The following PTPRN2 variants were observed in gnomAD, a reference collection of about 807,000 sequenced individuals.
The protein encoded by PTPRN2 is protein tyrosine phosphatase receptor type N2, also known as receptor-type tyrosine-protein phosphatase N2.
A neutral mutation model predicts 118.8 loss-of-function variants in PTPRN2; 74 were observed. That is an observed-to-expected ratio of 0.62 (90% CI 0.52 to 0.76). PTPRN2 has a LOEUF of 0.76. Among genes scored for constraint, PTPRN2 ranks in the 30% least tolerant of loss-of-function variants. The probability of loss-of-function intolerance (pLI) is 0.00; values close to 1 mark genes in which losing one functional copy is unlikely to be tolerated. For synonymous variants in PTPRN2, 641 were observed against 608.0 expected (o/e 1.05, Z -0.80); for missense variants, 1,481 against 1,394.4 (o/e 1.06, Z -0.99).
intron 13 of PTPRN2, among the ~76,000 whole-genome samples, chr7:157,656,913 C>T (rs1585185294): frequency 1.4e-5 from 2 of 143,234 alleles, no homozygotes; most frequent in African/African-American, 2.6e-5. Flanking sequence ...CACACATATA[C>T]ACACACACAC....
At chr7:158,010,919 C>A (rs765535179) in intron 11 of PTPRN2, among the ~76,000 whole-genome samples, 1 of 152,206 alleles carries the variant, frequency 6.6e-6, no homozygotes, top group Non-Finnish European at 1.5e-5. Context: ...CCCAGGTGGG[C>A]AGGGGAGGAA....
In PTPRN2 at chr7:157,599,650, C is replaced by T. The variant is rs1214965194; in HGVS notation, c.2419-4335G>A. 2.0e-5 allele frequency among the ~76,000 whole-genome samples: 3 copies of T among 152,224 alleles called. No homozygotes were observed. The East Asian group carries it at 5.8e-4, about 29-fold the overall frequency. Reference sequence around the variant, plus strand: ...TCAACAGCCTCCATGGTGGCAGAGGCACCCACTGCGGGGCAGGTGAAGGGA... The same window carrying T: ...TCAACAGCCTCCATGGTGGCAGAGGTACCCACTGCGGGGCAGGTGAAGGGA... On this transcript the variant is annotated intron_variant, in intron 16 of 22. Transcript: ENST00000389418.
chr7:158,417,696 G>A (rs1226665167), intron 2 of PTPRN2, among the ~76,000 whole-genome samples: 9 of 135,752 alleles, frequency 6.6e-5, no homozygotes, highest in South Asian at 5.4e-4. Flanking sequence ...GTACTACATC[G>A]AGATGCTCTA....
chr7:157,885,703 A>G (rs1249669378), intron 12 of PTPRN2, among the ~76,000 whole-genome samples: 1 of 152,234 alleles, frequency 6.6e-6, no homozygotes, highest in Non-Finnish European at 1.5e-5. Flanking sequence ...CGAATGTGCT[A>G]TAGATGTAGC....
At chr7:157,888,673 G>C (rs1162781946) in intron 12 of PTPRN2, among the ~76,000 whole-genome samples, 1 of 151,804 alleles carries the variant, frequency 6.6e-6, no homozygotes, top group Non-Finnish European at 1.5e-5. Context: ...ATGCCACGCA[G>C]AATCTTCACG....
At chr7:158,538,634 C>A (rs564285100) in intron 1 of PTPRN2, among the ~76,000 whole-genome samples, 66 of 152,328 alleles carry the variant, frequency 4.3e-4, no homozygotes, top group African/African-American at 1.5e-3. Flanking sequence ...TAGGTGGGCG[C>A]TCACCTGACA....
At chr7:158,071,845 CG>C in intron 11 of PTPRN2, among the ~76,000 whole-genome samples, 1 of 33,014 alleles carries the variant, frequency 3.0e-5, no homozygotes, top group South Asian at 2.3e-3. Flanking sequence ...TGGAGGTGCT[CG>C]TGGTGGTGGA....
intron 11 of PTPRN2, among the ~76,000 whole-genome samples, chr7:158,001,808 T>C (rs1418401547): frequency 6.6e-6 from 1 of 152,208 alleles, no homozygotes; most frequent in Admixed American, 6.5e-5. Context: ...TCTGCGTGAC[T>C]GGCTGTTGTG....
chr7:158,192,843 A>G (rs1825888852), intron 4 of PTPRN2, among the ~76,000 whole-genome samples: 1 of 152,166 alleles, frequency 6.6e-6, no homozygotes, highest in Admixed American at 6.5e-5. Flanking sequence ...ATTCTCCAGG[A>G]GGCTGAGGCA....
At position 157,676,878 on chromosome 7, in the gene PTPRN2, C is replaced by T. The variant is rs796255834; in HGVS notation, c.2001+5847G>A. Reference sequence around the variant, plus strand: ...ACCCCAGGAGCGACCCTGGCTTTGACGAGAAGGAAGTGTTCTCTGGTTCTG... The same window carrying T: ...ACCCCAGGAGCGACCCTGGCTTTGATGAGAAGGAAGTGTTCTCTGGTTCTG... On this transcript the variant is annotated intron_variant, in intron 13 of 22. Coordinates refer to ENST00000389418, the MANE Select transcript of PTPRN2 (RefSeq NM_002847.5). This position sits in a 1 kb window ranked among gnomAD's most constrained non-coding sequence, Gnocchi z 5.6. 2.6e-4 allele frequency among the ~76,000 whole-genome samples: 40 copies of T among 152,186 alleles called. No individual in the cohort carries two copies. The highest frequency in any genetic ancestry group is 8.7e-4 in the African/African-American group (36 of 41,520).
At position 157,642,814 on chromosome 7, in the gene PTPRN2, C is replaced by CA. The variant is rs11335302; in HGVS notation, c.2196+13542dup. Among the ~76,000 whole-genome samples the CA allele has an allele frequency of 2.8e-3, 68 of 24,216 alleles. 12 individuals carry two copies. Among genetic ancestry groups the CA allele is most frequent in the South Asian group, 0.02 (4 of 200 alleles). The allele number at this position is 24,216 out of a possible 152,430, so 15.9% of individuals were successfully genotyped here. Reference sequence around the variant, plus strand: ...AAGGGTCTACCAAGTCAAGAAACAGCAAAAAAAAAAAAAAAAAAAAAAAAA... The same window carrying CA: ...AAGGGTCTACCAAGTCAAGAAACAGCAAAAAAAAAAAAAAAAAAAAAAAAAA... On this transcript the variant is annotated intron_variant, in intron 14 of 22. Transcript: ENST00000389418.
intron 21 of PTPRN2, among the ~76,000 whole-genome samples, chr7:157,565,747 C>T (rs574027393): frequency 4.6e-5 from 7 of 152,314 alleles, no homozygotes; most frequent in African/African-American, 1.7e-4. Flanking sequence ...AAGGCACAAC[C>T]TTGGAAAATA....
intron 12 of PTPRN2, among the ~76,000 whole-genome samples, chr7:157,740,010 C>T (rs1800529543): frequency 6.6e-6 from 1 of 152,236 alleles, no homozygotes; most frequent in African/African-American, 2.4e-5. Context: ...ACTTTTAGCA[C>T]AGCTGGATCT....
At chr7:157,918,673 A>G (rs1798545763) in intron 11 of PTPRN2, among the ~76,000 whole-genome samples, 1 of 152,234 alleles carries the variant, frequency 6.6e-6, no homozygotes, top group Admixed American at 6.5e-5. Context: ...AAAATGTGCA[A>G]TTTGTTTAAA....
At chr7:157,577,106 A>C (rs989086619) in intron 18 of PTPRN2, among the ~76,000 whole-genome samples, 2 of 152,256 alleles carry the variant, frequency 1.3e-5, no homozygotes, top group African/African-American at 4.8e-5. Flanking sequence ...CCTCAAAAAA[A>C]GGAACCAGAG....
At chr7:157,648,959 T>A (rs1805384432) in intron 14 of PTPRN2, among the ~76,000 whole-genome samples, 1 of 147,236 alleles carries the variant, frequency 6.8e-6, no homozygotes, top group Non-Finnish European at 1.5e-5. Flanking sequence ...CAGTGTGCAC[T>A]GAACTCGGTG....
chr7:158,332,636 C>T (rs1258935714), intron 2 of PTPRN2, among the ~76,000 whole-genome samples: 131 of 149,576 alleles, frequency 8.8e-4, no homozygotes, highest in African/African-American at 2.7e-3. Context: ...CACACCCACA[C>T]TGTCACCATA....
At chr7:157,793,494 G>A (rs1017471912) in intron 12 of PTPRN2, among the ~76,000 whole-genome samples, 4 of 152,064 alleles carry the variant, frequency 2.6e-5, no homozygotes, top group African/African-American at 7.2e-5. Flanking sequence ...GGCCTCCAGG[G>A]CCCGTGGCTT....
intron 3 of PTPRN2, among the ~76,000 whole-genome samples, chr7:158,284,028 C>A (rs1017249590): frequency 6.6e-6 from 1 of 152,198 alleles, no homozygotes; most frequent in Non-Finnish European, 1.5e-5. Context: ...TTTAAGAACG[C>A]CTGAAAGACA....
Sources: allele counts gnomAD v4.1 joint callset (sites outside exome capture counted in the v4.1 genomes callset), GRCh38; gene constraint gnomAD v4.1.1; non-coding constraint Gnocchi (gnomAD v3.1); transcripts MANE v1.5; gene names NCBI Gene and HGNC (gene_info 2026-07-23, HGNC 2026-07-21).